The following ASB14 variants were observed in gnomAD, a reference collection of about 807,000 sequenced individuals.
ASB14 encodes the protein ankyrin repeat and SOCS box protein 14.
A neutral mutation model predicts 55.6 loss-of-function variants in ASB14; 63 were observed. The observed-to-expected ratio is 1.13, with a 90% CI of 0.92 to 1.40. ASB14 has a LOEUF of 1.40. Ranked by LOEUF, ASB14 falls within the 40% of genes most tolerant of loss-of-function variation. The pLI, the probability that ASB14 is intolerant of heterozygous loss-of-function variation, is 0.00. For missense variants in ASB14, 724 were observed against 710.4 expected (o/e 1.02, Z -0.22); for synonymous variants, 256 against 259.9 (o/e 0.98, Z 0.15).
chr3:57,276,831 C>CAG (rs2060992867), intron 9 of ASB14, 103 bp from the exon 10 acceptor site: 4 of 1,093,484 alleles, frequency 3.7e-6, no homozygotes, highest in Non-Finnish European at 5.2e-6. Context: ...TTTGCTGTTA[C>CAG]TAAATGGCAA....
intron 10 of ASB14, 93 bp from the exon 11 acceptor site, chr3:57,269,711 C>T (rs368090122): frequency 1.1e-5 from 17 of 1,610,560 alleles, no homozygotes; most frequent in Non-Finnish European, 1.4e-5. Flanking sequence ...GTAGATATTC[C>T]CCCTTGGAAT....
In ASB14 at chr3:57,277,895, C is replaced by T. The variant is rs748970978; in HGVS notation, c.1457G>A (p.Trp486Ter). The change falls in exon 9 of 11, where the codon TGG (tryptophan) becomes TAG (stop). Residue 486 changes from tryptophan (W) to a stop codon, truncating the protein, a stop_gained. Transcript: ENST00000487349. LOFTEE classifies it high-confidence loss of function. ...AACCTTTCCAGAGAGATGTTGCAGC[C>T]ATGACAAAGTTATTACTTCACAGAA... is the stretch of plus-strand genomic sequence containing the variant. ...TKFCEVITLS[W>*]LQHLSGKVVR... 42 of 1,613,142 alleles carry T rather than the reference C, an allele frequency of 2.6e-5. No individual in the cohort carries two copies. The highest frequency in any genetic ancestry group is 3.4e-5 in the Non-Finnish European group (40 of 1,179,746).
At chr3:57,273,548 A>ACAT (rs1420671519) in intron 10 of ASB14, 1 of 152,628 alleles carries the variant, frequency 6.6e-6, no homozygotes, top group African/African-American at 2.4e-5. Context: ...AGCTGTTATG[A>ACAT]CATTATAAAT....
chr3:57,290,344 G>T (rs2061119015), intron 2 of ASB14, among the ~76,000 whole-genome samples: 1 of 152,106 alleles, frequency 6.6e-6, no homozygotes, highest in African/African-American at 2.4e-5. Flanking sequence ...CAGCATTGTT[G>T]GGCTTAGTCC....
chr3:57,286,931 C>T (rs1462948507), intron 5 of ASB14, among the ~76,000 whole-genome samples: 1 of 152,146 alleles, frequency 6.6e-6, no homozygotes, highest in Non-Finnish European at 1.5e-5. Flanking sequence ...CTTCTGGAAG[C>T]TTTCCTGAAC....
chr3:57,292,102 C>T lies in ASB14; in HGVS notation c.-69G>A. 7.4e-7 allele frequency: 1 copy of T among 1,345,170 alleles called. No individual in the cohort carries two copies. The highest frequency in any genetic ancestry group is 9.7e-7 in the Non-Finnish European group (1 of 1,034,834). The allele number at this position is 1,345,170 out of a possible 1,614,324, so 83.3% of individuals were successfully genotyped here. A position where few individuals can be genotyped will look rare whatever the true frequency, so the allele number is the denominator to read the frequency against. ...AGTATTTTTCCAGTTGTGAAGAGAT[C>T]AACTGCTTAAAATTACAAATGAAAT... is the stretch of plus-strand genomic sequence containing the variant. On this transcript the variant is annotated splice_region_variant and 5_prime_UTR_variant, in exon 2 of 11. Coordinates refer to ENST00000487349, the MANE Select transcript of ASB14 (RefSeq NM_001142733.3).
rs747854434 is a variant in ASB14 at position 57,288,708 on chromosome 3, C to CTTTTTTTTTTTT, written c.178+348_178+359dup. Among the ~76,000 whole-genome samples the CTTTTTTTTTTTT allele has an allele frequency of 5.9e-5, 6 of 102,380 alleles. 1 individual carries two copies. The highest frequency in any genetic ancestry group is 7.9e-4 in the East Asian group (2 of 2,524). The allele number at this position is 102,380 out of a possible 152,430, so 67.2% of individuals were successfully genotyped here. On this transcript the variant is annotated intron_variant, in intron 3 of 10. Coordinates refer to ENST00000487349, the MANE Select transcript of ASB14 (RefSeq NM_001142733.3). ...GCCAGCCATCACCATCATATCTTTC[C>CTTTTTTTTTTTT]TTTTTTTTTTTTTTTTTTTTTTGTG...
rs561549735 is a variant in ASB14, at chr3:57,278,053, G to A, written c.1432-133C>T. ...AAATGTCTCAAAAATGGGAAGGGAT[G>A]GTAGTGGTCAACTGTACTTATCCTG... On this transcript the variant is annotated intron_variant, in intron 8 of 10. Coordinates refer to ENST00000487349, the MANE Select transcript of ASB14 (RefSeq NM_001142733.3). 10 of 758,582 alleles carry A rather than the reference G, an allele frequency of 1.3e-5. No individual in the cohort carries two copies. In the South Asian group the frequency reaches 1.8e-4, roughly 13 times the overall value. The allele number at this position is 758,582 out of a possible 1,614,324, so 47.0% of individuals were successfully genotyped here.
At chr3:57,280,914 C>T (rs1040012990) in intron 6 of ASB14, among the ~76,000 whole-genome samples, 8 of 152,066 alleles carry the variant, frequency 5.3e-5, no homozygotes, top group Non-Finnish European at 1.0e-4. Context: ...TTAGCTTGTT[C>T]GTAGGGGACC....
At position 57,289,076 on chromosome 3, in the gene ASB14, A is replaced by C; in HGVS notation, c.170T>G (p.Ile57Arg). The C allele has an allele frequency of 3.3e-6, 5 of 1,525,244 alleles. No individual in the cohort carries two copies. Among genetic ancestry groups the C allele is most frequent in the South Asian group, 1.2e-5 (1 of 83,782 alleles). The allele number at this position is 1,525,244 out of a possible 1,614,324, so 94.5% of individuals were successfully genotyped here. The part of the protein sequence containing the change: ...SADYKKIVET[I>R]EKGKEDALSH... ...GGGATAGGAGTACTTAACTTTCTCT[A>C]TTGTTTCAACTATCTTCTTATAGTC... Residue 57 changes from isoleucine to arginine, a missense_variant, in exon 3 of 11, where the codon ATA becomes AGA. Ile to Arg is a moderately conservative substitution (Grantham distance 97). Transcript: ENST00000487349.
At chr3:57,279,264 CTTTTTTTTTT>C (rs869152915) in intron 7 of ASB14, among the ~76,000 whole-genome samples, 6 of 88,080 alleles carry the variant, frequency 6.8e-5, no homozygotes, top group African/African-American at 8.9e-5. Flanking sequence ...AAGAGTTTTT[CTTTTTTTTTT>C]TTTTTTTTTT....
Position 57,278,917 on chromosome 3 carries a change from A to C in ASB14, c.891T>G (p.Ala297=). ...HVAADRGHLL[A]LKILIPVTDL... ...CCGTAACTGGAATCAGTATCTTTAG[A>C]GCTCTGAGAAAGAATTTCAAAATGC... The change falls in exon 8 of 11, where the codon GCT becomes GCG. Residue 297 remains alanine, a synonymous_variant. Coordinates refer to ENST00000487349, the MANE Select transcript of ASB14 (RefSeq NM_001142733.3). 1.9e-6 allele frequency: 3 copies of C among 1,607,360 alleles called. No individual in the cohort carries two copies. The highest frequency in any genetic ancestry group is 2.6e-6 in the Non-Finnish European group (3 of 1,175,140).
intron 5 of ASB14, among the ~76,000 whole-genome samples, chr3:57,284,941 G>GT (rs10648367): frequency 0.44 from 58,344 of 131,860 alleles, 13,904 homozygotes; most frequent in East Asian, 0.9. Flanking sequence ...TTTCAGTGTT[G>GT]TTTTTTTTTT....
chr3:57,291,520 C>T (rs1215250864), intron 2 of ASB14, among the ~76,000 whole-genome samples: 2 of 152,136 alleles, frequency 1.3e-5, no homozygotes, highest in Non-Finnish European at 2.9e-5. Flanking sequence ...AAGACTGGAC[C>T]CCATCCCCAC....
intron 5 of ASB14, among the ~76,000 whole-genome samples, chr3:57,283,691 C>T (rs13059664): frequency 2.6e-5 from 4 of 151,994 alleles, no homozygotes; most frequent in Non-Finnish European, 5.9e-5. Context: ...GGTTGAAACA[C>T]AAATGTAAAC....
intron 5 of ASB14, among the ~76,000 whole-genome samples, chr3:57,285,027 C>G (rs1254099754): frequency 2.0e-5 from 3 of 148,648 alleles, no homozygotes; most frequent in Non-Finnish European, 3.0e-5. Flanking sequence ...GCAACCTCGT[C>G]TCTCCCTGGT....
chr3:57,276,573 C>T lies in ASB14; in HGVS notation c.1741G>A (p.Gly581Arg), dbSNP rs2060988620. 6.2e-7 allele frequency: 1 copy of T among 1,608,380 alleles called. No homozygotes were observed. Residue 581 changes from glycine to arginine, a missense_variant, in exon 10 of 11, where the codon GGA (glycine) becomes AGA (arginine). Gly to Arg is a moderately radical substitution (Grantham distance 125). Transcript: ENST00000487349. The part of the protein sequence containing the change: ...LYKEYDLYGQ[G>R]IFTGTW ...GATTACCAGGTTCCTGTAAAAATTC[C>T]TTGTCCATAAAGGTCGTATTCTTTG...
intron 9 of ASB14, among the ~76,000 whole-genome samples, chr3:57,277,164 G>T (rs546106999): frequency 6.6e-6 from 1 of 151,796 alleles, no homozygotes; most frequent in Non-Finnish European, 1.5e-5. Context: ...CTACTCGTGA[G>T]ACTGAGGCAG....
intron 3 of ASB14, among the ~76,000 whole-genome samples, chr3:57,288,645 C>A (rs2061100846): frequency 6.6e-6 from 1 of 151,522 alleles, no homozygotes; most frequent in African/African-American, 2.4e-5. Flanking sequence ...GCAAAGAGCT[C>A]CTGCTTCTAG....
Sources: gnomAD v4.1 joint callset for allele counts (sites outside exome capture counted in the v4.1 genomes callset) on GRCh38, gnomAD v4.1.1 for gene constraint, MANE v1.5 for transcripts, NCBI Gene and HGNC (gene_info 2026-07-23, HGNC 2026-07-21) for gene names.